Variants in GRIN2B observed in about 807,000 individuals in gnomAD.
GRIN2B encodes glutamate receptor ionotropic, NMDA 2B.
GRIN2B carries 5 observed loss-of-function variants against 114.5 expected under a neutral mutation model. The observed-to-expected ratio is 0.04, with a 90% CI of 0.02 to 0.09. GRIN2B has a LOEUF of 0.09. GRIN2B is among the 10% of genes least tolerant of loss of function. GRIN2B has a pLI of 1.00. For synonymous variants in GRIN2B, 787 were observed against 745.1 expected, an observed-to-expected ratio of 1.06 and a Z score of -0.92; for missense variants, 1,108 against 1,943.5, an observed-to-expected ratio of 0.57 and a Z score of 8.08.
intron 4 of GRIN2B, among the ~76,000 whole-genome samples, chr12:13,678,227 A>T (rs995243456): frequency 2.0e-5 from 3 of 152,088 alleles, no homozygotes; most frequent in Non-Finnish European, 4.4e-5. Context: ...ATGCTATATA[A>T]ACTGCATGCA....
Position 13,550,740 on chromosome 12 carries a change from A to T in GRIN2B, c.*12043T>A, listed in dbSNP as rs910451657. 1 of 152,164 alleles carries T rather than the reference A, an allele frequency of 6.6e-6. No homozygotes were observed. Among genetic ancestry groups the T allele is most frequent in the Non-Finnish European group, 1.5e-5 (1 of 68,024 alleles). The allele number at this position is 152,164 out of a possible 1,614,324, so 9.4% of individuals were successfully genotyped here. A position where few individuals can be genotyped will look rare whatever the true frequency, so the allele number is the denominator to read the frequency against. On this transcript the variant is annotated 3_prime_UTR_variant, in exon 14 of 14. Coordinates refer to ENST00000609686, the MANE Select transcript of GRIN2B (RefSeq NM_000834.5). ...GGCCCCATCCTAGTCATTAAAATGC[A>T]GTGGGATTGACTGTGCTAGACTGAT...
intron 3 of GRIN2B, among the ~76,000 whole-genome samples, chr12:13,763,431 G>C (rs1863718459): frequency 1.3e-5 from 2 of 152,122 alleles, no homozygotes; most frequent in Non-Finnish European, 2.9e-5. Context: ...TTTTATTCCA[G>C]TCTCCCGTGG....
chr12:13,559,163 T>G lies in GRIN2B; in HGVS notation c.*3620A>C, dbSNP rs1300268954. Reference sequence around the variant, plus strand: ...TGTTATTCTGGAATTAAGTAACATCTAGATTTTAACAATGCCCAGCCTTCC... The same window carrying G: ...TGTTATTCTGGAATTAAGTAACATCGAGATTTTAACAATGCCCAGCCTTCC... On this transcript the variant is annotated 3_prime_UTR_variant, in exon 14 of 14. Coordinates refer to ENST00000609686, the MANE Select transcript of GRIN2B (RefSeq NM_000834.5). 6.6e-6 allele frequency: 1 copy of G among 151,670 alleles called. No individual in the cohort carries two copies. The highest frequency in any genetic ancestry group is 1.5e-5 in the Non-Finnish European group (1 of 68,000). 9.4% of individuals were successfully genotyped at this position (151,670 alleles called of 1,614,324 possible).
intron 5 of GRIN2B, among the ~76,000 whole-genome samples, chr12:13,626,039 C>T (rs150514617): frequency 7.9e-5 from 12 of 152,324 alleles, no homozygotes; most frequent in Non-Finnish European, 1.2e-4. Context: ...CAAGCCACAA[C>T]TCTCCATCCT....
At chr12:13,731,303 T>C (rs537813951) in intron 4 of GRIN2B, among the ~76,000 whole-genome samples, 2 of 152,244 alleles carry the variant, frequency 1.3e-5, no homozygotes, top group East Asian at 3.9e-4. Flanking sequence ...CAATCTATCA[T>C]CATCCCTTCA....
intron 5 of GRIN2B, among the ~76,000 whole-genome samples, chr12:13,658,838 T>G (rs1393373717): frequency 6.6e-6 from 1 of 151,662 alleles, no homozygotes; most frequent in East Asian, 1.9e-4. Context: ...AAGTCAGGCT[T>G]CATCCCCTCC....
At chr12:13,665,169 G>GTT (rs1396911128) in intron 5 of GRIN2B, among the ~76,000 whole-genome samples, 1 of 3,700 alleles carries the variant, frequency 2.7e-4, no homozygotes, top group African/African-American at 5.8e-4. Flanking sequence ...GTGTGTGTTT[G>GTT]TGTGTGTGTG....
At chr12:13,931,717 TAA>T (rs902642936) in intron 2 of GRIN2B, among the ~76,000 whole-genome samples, 18 of 152,256 alleles carry the variant, frequency 1.2e-4, no homozygotes, top group African/African-American at 4.3e-4. Context: ...TGCCTCTCCC[TAA>T]GTCTTCCGTA....
intron 10 of GRIN2B, among the ~76,000 whole-genome samples, chr12:13,605,551 T>TCTCTCTCTCTCTCTCTCTCTCCCACACA: frequency 3.3e-5 from 1 of 30,448 alleles, no homozygotes; most frequent in Non-Finnish European, 7.3e-5. Flanking sequence ...TCTCTCTCTC[T>TCTCTCTCTCTCTCTCTCTCTCCCACACA]GACACACACA....
At chr12:13,958,963 A>G (rs1867645076) in intron 2 of GRIN2B, among the ~76,000 whole-genome samples, 1 of 152,196 alleles carries the variant, frequency 6.6e-6, no homozygotes, top group Non-Finnish European at 1.5e-5. Flanking sequence ...CTTAAAAGAA[A>G]AAAAAAGGGG....
chr12:13,781,006 C>G (rs1450943237), intron 3 of GRIN2B, among the ~76,000 whole-genome samples: 1 of 151,994 alleles, frequency 6.6e-6, no homozygotes, highest in Non-Finnish European at 1.5e-5. Flanking sequence ...GACCAATATT[C>G]CAGCAGGACA....
chr12:13,746,512 A>C (rs570271658), intron 4 of GRIN2B, among the ~76,000 whole-genome samples: 9 of 152,174 alleles, frequency 5.9e-5, no homozygotes, highest in Non-Finnish European at 1.0e-4. Flanking sequence ...TCCCCTGCAC[A>C]GATGTGCATT....
intron 5 of GRIN2B, among the ~76,000 whole-genome samples, chr12:13,642,488 A>G (rs543779335): frequency 1.8e-4 from 27 of 152,198 alleles, no homozygotes; most frequent in African/African-American, 6.3e-4. Context: ...AGATCCAAGA[A>G]GCTATGACTC....
intron 2 of GRIN2B, among the ~76,000 whole-genome samples, chr12:13,880,884 T>C (rs1350897312): frequency 1.3e-5 from 2 of 152,212 alleles, no homozygotes; most frequent in Non-Finnish European, 2.9e-5. Context: ...TTCACTCTCA[T>C]GCTGTGCAAA....
At chr12:13,977,277 A>G (rs1397016647) in intron 2 of GRIN2B, 1 of 152,164 alleles carries the variant, frequency 6.6e-6, no homozygotes, top group Non-Finnish European at 1.5e-5. Context: ...CTTCCTAGGG[A>G]TGGAACCAAC....
intron 3 of GRIN2B, among the ~76,000 whole-genome samples, chr12:13,800,978 CA>C (rs1565542251): frequency 6.6e-6 from 1 of 152,130 alleles, no homozygotes; most frequent in African/African-American, 2.4e-5. Context: ...ACAGTTTATA[CA>C]AATTAAGAAT....
At chr12:13,729,746 A>C (rs1565515856) in intron 4 of GRIN2B, among the ~76,000 whole-genome samples, 1 of 148,760 alleles carries the variant, frequency 6.7e-6, no homozygotes, top group Non-Finnish European at 1.5e-5. Context: ...TGCCGAAAGG[A>C]AATAACTACA....
chr12:13,806,848 G>A (rs1864608884), intron 3 of GRIN2B, among the ~76,000 whole-genome samples: 1 of 151,944 alleles, frequency 6.6e-6, no homozygotes, highest in Non-Finnish European at 1.5e-5. Flanking sequence ...ATTTTTTACA[G>A]TTTCTGGTCT....
At chr12:13,734,421 C>T (rs576063933) in intron 4 of GRIN2B, among the ~76,000 whole-genome samples, 6 of 152,192 alleles carry the variant, frequency 3.9e-5, no homozygotes, top group South Asian at 4.1e-4. Context: ...TTATAAAGCC[C>T]GAGACCATGG....
Sources: gnomAD v4.1 joint callset for allele counts (sites outside exome capture counted in the v4.1 genomes callset) on GRCh38, gnomAD v4.1.1 for gene constraint, MANE v1.5 for transcripts, NCBI Gene and HGNC (gene_info 2026-07-23, HGNC 2026-07-21) for gene names.